Variants in CAMTA1 observed in about 807,000 individuals in gnomAD.
CAMTA1 encodes the protein calmodulin-binding transcription activator 1.
A neutral mutation model predicts 170.9 loss-of-function variants in CAMTA1; 27 were observed. The ratio of observed to expected loss-of-function variants is 0.16; its 90% CI spans 0.12 to 0.22. The LOEUF is 0.22. Among genes scored for constraint, CAMTA1 ranks in the 10% least tolerant of loss-of-function variants. The pLI is 1.00. For synonymous variants in CAMTA1, 833 were observed against 891.5 expected, an observed-to-expected ratio of 0.93 and a Z score of 1.17; for missense variants, 1,619 against 2,217.2, an observed-to-expected ratio of 0.73 and a Z score of 5.42.
At chr1:6,895,321 A>G (rs181193799) in intron 3 of CAMTA1, among the ~76,000 whole-genome samples, 6 of 152,180 alleles carry the variant, frequency 3.9e-5, no homozygotes, top group Admixed American at 3.3e-4. Context: ...CCCATCCCAG[A>G]CACCCATCTT....
At chr1:7,571,642 C>T (rs2095127476) in intron 6 of CAMTA1, among the ~76,000 whole-genome samples, 1 of 152,082 alleles carries the variant, frequency 6.6e-6, no homozygotes, top group Admixed American at 6.5e-5. Context: ...CCAGCTCTAT[C>T]CATGTTGCTG....
At chr1:7,535,997 G>T (rs1254852102) in intron 6 of CAMTA1, among the ~76,000 whole-genome samples, 1 of 152,200 alleles carries the variant, frequency 6.6e-6, no homozygotes, top group Non-Finnish European at 1.5e-5. Context: ...CCAAGTTTAG[G>T]TTCCACCTGA....
At chr1:7,134,949 G>T (rs183747241) in intron 4 of CAMTA1, among the ~76,000 whole-genome samples, 8 of 152,000 alleles carry the variant, frequency 5.3e-5, no homozygotes. Context: ...ATGGGCAAGC[G>T]ACATGATGAG....
intron 5 of CAMTA1, among the ~76,000 whole-genome samples, chr1:7,417,938 G>A (rs59176534): frequency 0.027 from 4,082 of 152,146 alleles, 189 homozygotes; most frequent in African/African-American, 0.092. Flanking sequence ...CCAGCTTTTC[G>A]CCATGATTTT....
intron 5 of CAMTA1, among the ~76,000 whole-genome samples, chr1:7,369,477 G>A (rs150689962): frequency 1.1e-3 from 173 of 152,260 alleles, no homozygotes; most frequent in African/African-American, 3.9e-3. Flanking sequence ...TCTGTTATGC[G>A]TGTGGTTAAG....
chr1:7,028,969 A>C (rs17030160), intron 3 of CAMTA1, among the ~76,000 whole-genome samples: 3,136 of 152,320 alleles, frequency 0.021, 96 homozygotes, highest in African/African-American at 0.071. Context: ...TTGAAAGTGG[A>C]AAGTGTTATT....
chr1:7,573,501 C>A (rs1462837560), intron 6 of CAMTA1, among the ~76,000 whole-genome samples: 1 of 152,226 alleles, frequency 6.6e-6, no homozygotes, highest in Non-Finnish European at 1.5e-5. Context: ...AAACAGCAGA[C>A]ATTTATGCTC....
Position 7,370,522 on chromosome 1 carries a change from C to T in CAMTA1, c.439-97308C>T, listed in dbSNP as rs761655676. Among the ~76,000 whole-genome samples the T allele has an allele frequency of 3.9e-5, 6 of 152,120 alleles. No homozygotes were observed. The East Asian group carries it at 5.8e-4, about 15-fold the overall frequency. ...TAAAATAATCCATTACTGTCCGGGT[C>T]GTATTCGAGGGAAGACACACATTCC... On this transcript the variant is annotated intron_variant, in intron 5 of 22. Transcript: ENST00000303635.
In CAMTA1 at chr1:7,224,471, G is replaced by C. The variant is rs1237961948; in HGVS notation, c.303-25020G>C. ...TTTTCATGTTCCCAACGAGATCCAAGAGCAAAACAGTTTTCTGAAACTATT... is the reference window on the plus strand; with the variant it reads ...TTTTCATGTTCCCAACGAGATCCAACAGCAAAACAGTTTTCTGAAACTATT... On this transcript the variant is annotated intron_variant, in intron 4 of 22. Coordinates refer to ENST00000303635, the MANE Select transcript of CAMTA1 (RefSeq NM_015215.4). The surrounding 1 kb of genome is among the most constrained non-coding windows in gnomAD (Gnocchi z 5.2). Among the ~76,000 whole-genome samples, 2 of 152,150 alleles carry C rather than the reference G, an allele frequency of 1.3e-5. No homozygotes were observed. The highest frequency in any genetic ancestry group is 2.9e-5 in the Non-Finnish European group (2 of 68,034).
chr1:7,284,677 C>A (rs1234923935), intron 5 of CAMTA1, among the ~76,000 whole-genome samples: 1 of 152,190 alleles, frequency 6.6e-6, no homozygotes, highest in African/African-American at 2.4e-5. Flanking sequence ...TTCTTCCTTC[C>A]CTGTGCTTAA....
At chr1:6,908,768 G>C (rs1219235828) in intron 3 of CAMTA1, among the ~76,000 whole-genome samples, 1 of 152,254 alleles carries the variant, frequency 6.6e-6, no homozygotes, top group Non-Finnish European at 1.5e-5. Context: ...CTTCGTGGAA[G>C]TGCTCCTGGC....
intron 3 of CAMTA1, among the ~76,000 whole-genome samples, chr1:6,894,562 C>T (rs1054156365): frequency 3.9e-5 from 6 of 152,204 alleles, no homozygotes; most frequent in Admixed American, 6.5e-5. Context: ...GCAGTAAATA[C>T]GGTGAAGCTG....
chr1:6,931,103 C>T (rs191721517), intron 3 of CAMTA1, among the ~76,000 whole-genome samples: 34 of 152,302 alleles, frequency 2.2e-4, no homozygotes, highest in East Asian at 7.7e-4. Flanking sequence ...AAGAAACCTC[C>T]GTTCATACCC....
chr1:7,318,837 T>C (rs1466792112), intron 5 of CAMTA1, among the ~76,000 whole-genome samples: 1 of 152,212 alleles, frequency 6.6e-6, no homozygotes, highest in African/African-American at 2.4e-5. Context: ...GCCTGGAACA[T>C]GCACGTGCCT....
intron 5 of CAMTA1, among the ~76,000 whole-genome samples, chr1:7,430,460 G>A (rs2092106067): frequency 6.6e-6 from 1 of 151,952 alleles, no homozygotes; most frequent in African/African-American, 2.4e-5. Context: ...CGATGGTGAT[G>A]GTGATGACAG....
At chr1:7,739,221 A>C (rs2096792607) in intron 16 of CAMTA1, among the ~76,000 whole-genome samples, 1 of 151,886 alleles carries the variant, frequency 6.6e-6, no homozygotes, top group African/African-American at 2.4e-5. Context: ...AAGGGAAAAA[A>C]AACGACTCAG....
chr1:7,521,835 C>T (rs1395290414), intron 6 of CAMTA1, among the ~76,000 whole-genome samples: 1 of 152,260 alleles, frequency 6.6e-6, no homozygotes, highest in Non-Finnish European at 1.5e-5. Flanking sequence ...GCGTGAGCCA[C>T]TGCGCTCACT....
chr1:7,186,454 G>T (rs1024252915), intron 4 of CAMTA1, among the ~76,000 whole-genome samples: 2 of 152,258 alleles, frequency 1.3e-5, no homozygotes, highest in Non-Finnish European at 2.9e-5. Flanking sequence ...TGGCCTTGAG[G>T]GTATGTGTGA....
At chr1:7,520,747 G>T (rs1258803603) in intron 6 of CAMTA1, among the ~76,000 whole-genome samples, 5 of 152,174 alleles carry the variant, frequency 3.3e-5, no homozygotes, top group Non-Finnish European at 5.9e-5. Context: ...GAGCCACACA[G>T]CCTCGTGCAT....
Sources: gnomAD v4.1 joint callset for allele counts (sites outside exome capture counted in the v4.1 genomes callset) on GRCh38, gnomAD v4.1.1 for gene constraint, Gnocchi (gnomAD v3.1) non-coding constraint, MANE v1.5 for transcripts, NCBI Gene and HGNC (gene_info 2026-07-23, HGNC 2026-07-21) for gene names.